The following ATP6V0D1 variants were observed in gnomAD, a reference collection of about 807,000 sequenced individuals.
ATP6V0D1 encodes V-type proton ATPase subunit d 1.
A neutral mutation model predicts 39.0 loss-of-function variants in ATP6V0D1; 13 were observed. That is an observed-to-expected ratio of 0.33 (90% CI 0.22 to 0.53). The LOEUF is 0.53. Ranked by LOEUF, ATP6V0D1 falls within the 20% of genes least tolerant of loss-of-function variation. The pLI is 0.94. For synonymous variants in ATP6V0D1, 191 were observed against 191.2 expected, an observed-to-expected ratio of 1.00 and a Z score of 0.01; for missense variants, 272 against 470.9, an observed-to-expected ratio of 0.58 and a Z score of 3.91.
chr16:67,463,120 G>A (rs2041301983), intron 1 of ATP6V0D1, among the ~76,000 whole-genome samples: 1 of 152,192 alleles, frequency 6.6e-6, no homozygotes, highest in Non-Finnish European at 1.5e-5. Flanking sequence ...AGAAAAGTAG[G>A]AAATACTCAT....
intron 1 of ATP6V0D1, among the ~76,000 whole-genome samples, chr16:67,470,772 T>A (rs1162673904): frequency 2.0e-5 from 3 of 151,930 alleles, no homozygotes; most frequent in Non-Finnish European, 4.4e-5. Flanking sequence ...ATCCCTTCTC[T>A]GGTAGCCCGT....
chr16:67,457,384 C>A, intron 1 of ATP6V0D1: 1 of 349,764 alleles, frequency 2.9e-6, no homozygotes, highest in South Asian at 2.2e-5. Context: ...CCCCACTCTG[C>A]ACCTCCTTTA....
chr16:67,444,465 C>T lies in ATP6V0D1; in HGVS notation c.481+63G>A. 1 of 1,516,454 alleles carries T rather than the reference C, an allele frequency of 6.6e-7. No individual in the cohort carries two copies. The highest frequency in any genetic ancestry group is 8.9e-7 in the Non-Finnish European group (1 of 1,123,754). 93.9% of individuals were successfully genotyped at this position (1,516,454 alleles called of 1,614,324 possible). A position where few individuals can be genotyped will look rare whatever the true frequency, so the allele number is the denominator to read the frequency against. ...GTCGCCCCCCAGCGGGTCCACAAAC[C>T]CCACCCTGATGCGCTGATGCTGACA... is the stretch of plus-strand genomic sequence containing the variant. On this transcript the variant is annotated intron_variant, in intron 3 of 7. Coordinates refer to ENST00000290949, the MANE Select transcript of ATP6V0D1 (RefSeq NM_004691.5). The surrounding 1 kb of genome is among the most constrained non-coding windows in gnomAD (Gnocchi z 4.8).
Position 67,453,125 on chromosome 16 carries a change from C to T in ATP6V0D1, c.302+419G>A, listed in dbSNP as rs909399504. ...CTGTCCATCCCGACACCTGACCCCT[C>T]GCATGGGGAGTGGGGCCTGGTGAGT... On this transcript the variant is annotated intron_variant, in intron 2 of 7. Coordinates refer to ENST00000290949, the MANE Select transcript of ATP6V0D1 (RefSeq NM_004691.5). The surrounding 1 kb of genome is among the most constrained non-coding windows in gnomAD (Gnocchi z 4.1). Among the ~76,000 whole-genome samples the T allele has an allele frequency of 7.9e-5, 12 of 152,192 alleles. No individual in the cohort carries two copies. Among genetic ancestry groups the T allele is most frequent in the Admixed American group, 5.2e-4 (8 of 15,282 alleles).
intron 1 of ATP6V0D1, among the ~76,000 whole-genome samples, chr16:67,472,132 G>A (rs2041378430): frequency 6.6e-6 from 1 of 152,140 alleles, no homozygotes; most frequent in Admixed American, 6.5e-5. Flanking sequence ...CAGCAAGCTG[G>A]AGGGGAGCAA....
intron 1 of ATP6V0D1, among the ~76,000 whole-genome samples, chr16:67,460,391 C>CT (rs781456815): frequency 6.6e-6 from 1 of 152,024 alleles, no homozygotes; most frequent in Non-Finnish European, 1.5e-5. Context: ...GGGAGGAGAC[C>CT]TTTTTTTTCA....
intron 3 of ATP6V0D1, chr16:67,443,506 C>T: frequency 3.6e-6 from 1 of 278,286 alleles, no homozygotes; most frequent in Non-Finnish European, 6.9e-6. Flanking sequence ...GACATCCTCC[C>T]TTCTGGAGGG....
intron 1 of ATP6V0D1, among the ~76,000 whole-genome samples, chr16:67,475,337 T>C (rs566701858): frequency 1.3e-5 from 2 of 152,340 alleles, no homozygotes; most frequent in Non-Finnish European, 2.9e-5. Context: ...GCCTGGAGTC[T>C]CTCTTCTTCC....
chr16:67,475,334 GTC>G (rs1381012790), intron 1 of ATP6V0D1, among the ~76,000 whole-genome samples: 1 of 152,234 alleles, frequency 6.6e-6, no homozygotes, highest in Non-Finnish European at 1.5e-5. Flanking sequence ...CCAGCCTGGA[GTC>G]TCTCTTCTTC....
chr16:67,466,711 G>A (rs1339278478), intron 1 of ATP6V0D1, among the ~76,000 whole-genome samples: 1 of 151,830 alleles, frequency 6.6e-6, no homozygotes, highest in African/African-American at 2.4e-5. Flanking sequence ...GTGGTGCATG[G>A]TTTGCAGCCT....
At chr16:67,470,444 C>T (rs1332483674) in intron 1 of ATP6V0D1, among the ~76,000 whole-genome samples, 10 of 152,322 alleles carry the variant, frequency 6.6e-5, no homozygotes, top group Non-Finnish European at 1.0e-4. Flanking sequence ...CTCTCTGCTC[C>T]GCTTGCCAAA....
chr16:67,444,925 C>A lies in ATP6V0D1; in HGVS notation c.303-219G>T, dbSNP rs2041097760. On this transcript the variant is annotated intron_variant, in intron 2 of 7. Transcript: ENST00000290949. The surrounding 1 kb of genome is among the most constrained non-coding windows in gnomAD (Gnocchi z 4.8). ...GCCAGAGGCCTAGGACAGACACAGG[C>A]CCCCCAAACGGGCGGGGGCAGGGGA... 6.6e-6 allele frequency among the ~76,000 whole-genome samples: 1 copy of A among 152,150 alleles called. No homozygotes were observed. The highest frequency in any genetic ancestry group is 1.5e-5 in the Non-Finnish European group (1 of 68,024).
intron 4 of ATP6V0D1, among the ~76,000 whole-genome samples, chr16:67,442,248 C>T (rs1380342991): frequency 1.3e-5 from 2 of 152,262 alleles, no homozygotes; most frequent in East Asian, 3.9e-4. Context: ...CCAACCAGGG[C>T]AGGAGAGGAC....
At chr16:67,442,464 T>G (rs1361396243) in intron 4 of ATP6V0D1, among the ~76,000 whole-genome samples, 1 of 151,786 alleles carries the variant, frequency 6.6e-6, no homozygotes, top group East Asian at 1.9e-4. Flanking sequence ...TTTTTTTTTT[T>G]TTTTAAATTT....
chr16:67,444,483 T>C lies in ATP6V0D1; in HGVS notation c.481+45A>G. ...CACAAACCCCACCCTGATGCGCTGATGCTGACACCACTGCCCACCTCCCAT... is the reference window on the plus strand; with the variant it reads ...CACAAACCCCACCCTGATGCGCTGACGCTGACACCACTGCCCACCTCCCAT... On this transcript the variant is annotated intron_variant, in intron 3 of 7. Coordinates refer to ENST00000290949, the MANE Select transcript of ATP6V0D1 (RefSeq NM_004691.5). The surrounding 1 kb of genome is among the most constrained non-coding windows in gnomAD (Gnocchi z 4.8). 7.1e-6 allele frequency: 11 copies of C among 1,547,326 alleles called. No homozygotes were observed. Among genetic ancestry groups the C allele is most frequent in the Non-Finnish European group, 9.7e-6 (11 of 1,138,482 alleles).
chr16:67,443,206 GGGCAGGTGGCCTA>G (rs2041074371), intron 3 of ATP6V0D1, 28 bp from the exon 4 acceptor site: 1 of 1,611,618 alleles, frequency 6.2e-7, no homozygotes, highest in East Asian at 2.2e-5. Flanking sequence ...TTTGAGGGGT[GGGCAGGTGGCCTA>G]GGCCAGAATC....
chr16:67,474,771 T>A (rs188227743), intron 1 of ATP6V0D1, among the ~76,000 whole-genome samples: 28 of 152,274 alleles, frequency 1.8e-4, no homozygotes, highest in Middle Eastern at 3.4e-3. Context: ...GCACCAAAAA[T>A]AGCCTTCATA....
rs1172473573 is a variant in ATP6V0D1, at chr16:67,453,766, G to T, written c.131-51C>A. 6.3e-7 allele frequency: 1 copy of T among 1,586,182 alleles called. No individual in the cohort carries two copies. On this transcript the variant is annotated intron_variant, in intron 1 of 7. Transcript: ENST00000290949. The surrounding 1 kb of genome is among the most constrained non-coding windows in gnomAD (Gnocchi z 4.1). The stretch of plus-strand genomic sequence containing the variant: ...GGCTAGCCTTGCTGGGCCTCCCCAA[G>T]GGTCCCAAGTCCCCATCCCCACCCC...
chr16:67,453,822 G>T lies in ATP6V0D1; in HGVS notation c.131-107C>A. 1.9e-6 allele frequency: 2 copies of T among 1,063,854 alleles called. No individual in the cohort carries two copies. The highest frequency in any genetic ancestry group is 2.8e-6 in the Non-Finnish European group (2 of 723,518). 65.9% of individuals were successfully genotyped at this position (1,063,854 alleles called of 1,614,324 possible). A position where few individuals can be genotyped will look rare whatever the true frequency, so the allele number is the denominator to read the frequency against. On this transcript the variant is annotated intron_variant, in intron 1 of 7. Coordinates refer to ENST00000290949, the MANE Select transcript of ATP6V0D1 (RefSeq NM_004691.5). This position sits in a 1 kb window ranked among gnomAD's most constrained non-coding sequence, Gnocchi z 4.1. ...AGCCCCAGCTCTCCCCTGCAGTTGT[G>T]TCCCGCTACTACCCTGATCTCCATC...
Sources: gnomAD v4.1 joint callset for allele counts (sites outside exome capture counted in the v4.1 genomes callset) on GRCh38, gnomAD v4.1.1 for gene constraint, Gnocchi (gnomAD v3.1) non-coding constraint, MANE v1.5 for transcripts, NCBI Gene and HGNC (gene_info 2026-07-23, HGNC 2026-07-21) for gene names.